NRXN1: variants seen among roughly 807,000 people sequenced by gnomAD.
NRXN1 encodes neurexin-1.
NRXN1 carries 39 observed loss-of-function variants against 150.9 expected under a neutral mutation model. The ratio of observed to expected loss-of-function variants is 0.26; its 90% CI spans 0.20 to 0.34. NRXN1 has a LOEUF of 0.34. Ranked by LOEUF, NRXN1 falls within the 10% of genes least tolerant of loss-of-function variation. The probability of loss-of-function intolerance (pLI) is 1.00; values close to 1 mark genes in which losing one functional copy is unlikely to be tolerated. For synonymous variants in NRXN1, 924 were observed against 757.0 expected, an observed-to-expected ratio of 1.22 and a Z score of -3.62; for missense variants, 1,815 against 1,949.9, an observed-to-expected ratio of 0.93 and a Z score of 1.30.
intron 18 of NRXN1, among the ~76,000 whole-genome samples, chr2:50,095,284 T>G (rs935097398): frequency 6.6e-6 from 1 of 152,182 alleles, no homozygotes; most frequent in Non-Finnish European, 1.5e-5. Context: ...CCCTGGTGGT[T>G]AGAAAGAAAT....
chr2:50,442,769 C>T (rs184345723), intron 17 of NRXN1, among the ~76,000 whole-genome samples: 1 of 152,188 alleles, frequency 6.6e-6, no homozygotes, highest in Admixed American at 6.5e-5. Flanking sequence ...TCCTGTGAAA[C>T]ATCAACATTT....
chr2:50,781,838 T>C (rs1347080801), intron 5 of NRXN1, among the ~76,000 whole-genome samples: 1 of 152,220 alleles, frequency 6.6e-6, no homozygotes, highest in Non-Finnish European at 1.5e-5. Flanking sequence ...TGTGTGCTGG[T>C]TGAGTTATTC....
Position 50,633,879 on chromosome 2 carries a change from T to C in NRXN1, c.833-10264A>G, listed in dbSNP as rs1306937096. On this transcript the variant is annotated intron_variant, in intron 5 of 22. Transcript: ENST00000401669. ...AAACTGAGCAAGCAAAAGAGTGCAA[T>C]GAGGGTGTGCAATAACTGAGCAGGG... 1.1e-4 allele frequency among the ~76,000 whole-genome samples: 16 copies of C among 151,928 alleles called. No individual in the cohort carries two copies. The East Asian group carries it at 3.1e-3, about 29-fold the overall frequency.
Position 50,099,577 on chromosome 2 carries a change from G to C in NRXN1, c.3547-8083C>G, listed in dbSNP as rs1420452169. Reference sequence around the variant, plus strand: ...GCTACATAGTTCCTGTTAGCTATTAGCATTATTATTATTATTGCTACAATT... The same window carrying C: ...GCTACATAGTTCCTGTTAGCTATTACCATTATTATTATTATTGCTACAATT... On this transcript the variant is annotated intron_variant, in intron 18 of 22. Coordinates refer to ENST00000401669, the MANE Select transcript of NRXN1 (RefSeq NM_001330078.2). Among the ~76,000 whole-genome samples the C allele has an allele frequency of 2.0e-5, 3 of 151,922 alleles. No individual in the cohort carries two copies. In the South Asian group the frequency reaches 6.2e-4, roughly 32 times the overall value.
chr2:50,311,970 T>C (rs566806207), intron 17 of NRXN1, among the ~76,000 whole-genome samples: 1 of 152,206 alleles, frequency 6.6e-6, no homozygotes, highest in South Asian at 2.1e-4. Context: ...TGGTAGACAC[T>C]GGGGAATGAA....
At chr2:50,352,391 T>C (rs2078475179) in intron 17 of NRXN1, among the ~76,000 whole-genome samples, 2 of 152,090 alleles carry the variant, frequency 1.3e-5, no homozygotes, top group Admixed American at 6.6e-5. Context: ...TTCCTTAAGC[T>C]TAATTGGAAA....
intron 5 of NRXN1, among the ~76,000 whole-genome samples, chr2:50,871,993 G>A (rs1292470981): frequency 6.6e-6 from 1 of 151,656 alleles, no homozygotes; most frequent in East Asian, 2.0e-4. Flanking sequence ...CATTTTCCCT[G>A]TAGAGAATTT....
At chr2:50,299,152 C>T (rs1306704364) in intron 17 of NRXN1, among the ~76,000 whole-genome samples, 2 of 152,104 alleles carry the variant, frequency 1.3e-5, no homozygotes, top group South Asian at 2.1e-4. Context: ...GAAGATTTCA[C>T]ACTTCTGGCT....
chr2:50,033,930 C>T (rs1047342127), intron 21 of NRXN1, among the ~76,000 whole-genome samples: 5 of 150,864 alleles, frequency 3.3e-5, no homozygotes, highest in African/African-American at 1.2e-4. Flanking sequence ...CAATGAGATA[C>T]CATCTCACAC....
At chr2:50,917,375 A>T (rs1199034870) in intron 5 of NRXN1, 1 of 151,756 alleles carries the variant, frequency 6.6e-6, no homozygotes, top group Non-Finnish European at 1.5e-5. Flanking sequence ...AAAAGCATAA[A>T]ACAAATATGC....
At chr2:50,169,671 C>T (rs1050727329) in intron 18 of NRXN1, among the ~76,000 whole-genome samples, 3 of 146,034 alleles carry the variant, frequency 2.1e-5, no homozygotes, top group Non-Finnish European at 4.5e-5. Context: ...GAGAATGCGC[C>T]ACTGCACTCC....
At chr2:50,868,631 C>G (rs1382856546) in intron 5 of NRXN1, among the ~76,000 whole-genome samples, 1 of 151,736 alleles carries the variant, frequency 6.6e-6, no homozygotes, top group African/African-American at 2.4e-5. Flanking sequence ...AGCATATTAT[C>G]ATAATTTATT....
chr2:50,913,750 C>T (rs1029544992), intron 5 of NRXN1, among the ~76,000 whole-genome samples: 1 of 151,688 alleles, frequency 6.6e-6, no homozygotes, highest in African/African-American at 2.4e-5. Flanking sequence ...AGGTACATGG[C>T]AAACAAGCCA....
At chr2:50,161,730 T>C (rs936564669) in intron 18 of NRXN1, among the ~76,000 whole-genome samples, 3 of 152,234 alleles carry the variant, frequency 2.0e-5, no homozygotes, top group African/African-American at 7.2e-5. Flanking sequence ...TATCTGTTGA[T>C]CTTCCCAGTA....
chr2:50,757,042 G>T (rs1701228340), intron 5 of NRXN1, among the ~76,000 whole-genome samples: 1 of 151,840 alleles, frequency 6.6e-6, no homozygotes, highest in Admixed American at 6.6e-5. Context: ...TTTTAAATGT[G>T]ATGGTTTTCT....
chr2:50,785,043 TA>T (rs1004429898), intron 5 of NRXN1, among the ~76,000 whole-genome samples: 2 of 151,992 alleles, frequency 1.3e-5, no homozygotes. Flanking sequence ...TATGACACCC[TA>T]ATCCCACAGA....
intron 21 of NRXN1, among the ~76,000 whole-genome samples, chr2:50,028,558 C>T (rs1445636879): frequency 6.6e-6 from 1 of 152,162 alleles, no homozygotes; most frequent in Non-Finnish European, 1.5e-5. Context: ...AGTCTTACTC[C>T]TTAGGTGCTG....
At chr2:50,190,815 G>T (rs1030674258) in intron 18 of NRXN1, among the ~76,000 whole-genome samples, 4 of 151,276 alleles carry the variant, frequency 2.6e-5, no homozygotes, top group African/African-American at 4.9e-5. Flanking sequence ...TTTTTTCCAT[G>T]TTGGTCAGGC....
In NRXN1 at chr2:50,232,449, C is replaced by A. The variant is rs888135717; in HGVS notation, c.3546+4340G>T. 1.3e-4 allele frequency among the ~76,000 whole-genome samples: 19 copies of A among 141,880 alleles called. No individual in the cohort carries two copies. The South Asian group carries it at 4.0e-3, about 30-fold the overall frequency. The allele number at this position is 141,880 out of a possible 152,430, so 93.1% of individuals were successfully genotyped here. On this transcript the variant is annotated intron_variant, in intron 18 of 22. Coordinates refer to ENST00000401669, the MANE Select transcript of NRXN1 (RefSeq NM_001330078.2). ...GTTGCCAGGCTGGAGTACAGTGGCA[C>A]GATCTCGGCTCACTGCAACCTCCAC... is the stretch of plus-strand genomic sequence containing the variant.
Sources: gnomAD v4.1 joint callset for allele counts (sites outside exome capture counted in the v4.1 genomes callset) on GRCh38, gnomAD v4.1.1 for gene constraint, MANE v1.5 for transcripts, NCBI Gene and HGNC (gene_info 2026-07-23, HGNC 2026-07-21) for gene names.